OTOGL: variants seen among roughly 807,000 people sequenced by gnomAD.
OTOGL encodes otogelin like.
In OTOGL, 285 loss-of-function variants were observed where a neutral mutation model predicts 318.5. The observed-to-expected ratio is 0.89, with a 90% CI of 0.81 to 0.99. The LOEUF is 0.99. Ranked by LOEUF, OTOGL falls within the 50% of genes least tolerant of loss-of-function variation. OTOGL has a pLI of 0.00. For missense variants in OTOGL, 2,899 were observed against 2,845.6 expected, an observed-to-expected ratio of 1.02 and a Z score of -0.43; for synonymous variants, 987 against 936.5, an observed-to-expected ratio of 1.05 and a Z score of -0.99.
chr12:80,149,921 GT>G (rs1872673047), intron 1 of OTOGL, among the ~76,000 whole-genome samples: 1 of 152,162 alleles, frequency 6.6e-6, no homozygotes, highest in South Asian at 2.1e-4. Flanking sequence ...CTCATGCACG[GT>G]GCGCGCACCC....
intron 9 of OTOGL, among the ~76,000 whole-genome samples, chr12:80,238,485 C>T (rs1047807650): frequency 3.9e-5 from 6 of 151,960 alleles, no homozygotes; most frequent in Admixed American, 1.3e-4. Context: ...TTACACTAAA[C>T]GTTTATATTT....
At chr12:80,242,222 G>A (rs1360998899) in intron 11 of OTOGL, among the ~76,000 whole-genome samples, 1 of 152,164 alleles carries the variant, frequency 6.6e-6, no homozygotes, top group Non-Finnish European at 1.5e-5. Flanking sequence ...CTTTTGAAAT[G>A]TTGATAGTTT....
intron 18 of OTOGL, among the ~76,000 whole-genome samples, chr12:80,260,136 A>G (rs1449256488): frequency 6.6e-6 from 1 of 152,086 alleles, no homozygotes; most frequent in Non-Finnish European, 1.5e-5. Flanking sequence ...ACTGAGGTAG[A>G]ATGTTTAGTG....
intron 26 of OTOGL, among the ~76,000 whole-genome samples, chr12:80,292,318 C>T (rs955486028): frequency 1.1e-4 from 17 of 152,274 alleles, no homozygotes; most frequent in Admixed American, 3.3e-4. Context: ...GAAAACAAAA[C>T]GTAAAGAAGC....
At chr12:80,315,992 C>T (rs1438515650) in intron 32 of OTOGL, among the ~76,000 whole-genome samples, 1 of 147,794 alleles carries the variant, frequency 6.8e-6, no homozygotes, top group Non-Finnish European at 1.5e-5. Flanking sequence ...TAACTGCTTT[C>T]TCTAGATCAT....
intron 8 of OTOGL, 56 bp downstream of exon 8, chr12:80,229,434 A>G: frequency 1.3e-6 from 2 of 1,530,712 alleles, no homozygotes; most frequent in Non-Finnish European, 1.8e-6. Context: ...TAGAATTTCC[A>G]AACATCACAT....
chr12:80,297,898 A>G (rs1460225681), intron 27 of OTOGL, among the ~76,000 whole-genome samples: 1 of 152,160 alleles, frequency 6.6e-6, no homozygotes, highest in African/African-American at 2.4e-5. Flanking sequence ...TACTTCCTCC[A>G]GGGAGCTCCT....
chr12:80,251,551 A>G, intron 11 of OTOGL, 142 bp from the exon 12 acceptor site: 2 of 588,556 alleles, frequency 3.4e-6, no homozygotes, highest in Non-Finnish European at 5.8e-6. Context: ...AATAAGATAT[A>G]TTATGAGTGA....
At position 80,267,315 on chromosome 12, in the gene OTOGL, C is replaced by T. The variant is rs370972432; in HGVS notation, c.2453C>T (p.Pro818Leu). 17 of 1,527,786 alleles carry T rather than the reference C, an allele frequency of 1.1e-5. No homozygotes were observed. Among genetic ancestry groups the T allele is most frequent in the Non-Finnish European group, 1.3e-5 (15 of 1,116,266 alleles). 94.6% of individuals were successfully genotyped at this position (1,527,786 alleles called of 1,614,324 possible). Residue 818 changes from proline to leucine, a missense_variant, in exon 22 of 59, where the codon CCC becomes CTC. Pro to Leu is a moderately conservative substitution (Grantham distance 98). Transcript: ENST00000547103. ...CAACCTGGAGAGCTCATCCCCACAC[C>T]CTCGGGCTTATGGTAGGTTTCAATG... ...VYQPGELIPT[P>L]SGLCQCSNGT...
At chr12:80,172,115 A>G (rs1469394126) in intron 1 of OTOGL, among the ~76,000 whole-genome samples, 2 of 152,060 alleles carry the variant, frequency 1.3e-5, no homozygotes, top group Non-Finnish European at 2.9e-5. Flanking sequence ...ATCTTTAAAG[A>G]CTTTCCTTAT....
At position 80,251,816 on chromosome 12, in the gene OTOGL, T is replaced by A. The variant is rs1219578705; in HGVS notation, c.1159+17T>A. Reference sequence around the variant, plus strand: ...CAGCATGCAGTATGTTTTTTTATTTTCCAAGCCCTGTGTACTTTTGCCAAT... The same window carrying A: ...CAGCATGCAGTATGTTTTTTTATTTACCAAGCCCTGTGTACTTTTGCCAAT... On this transcript the variant is annotated intron_variant, in intron 12 of 58. Transcript: ENST00000547103. 5 of 1,549,580 alleles carry A rather than the reference T, an allele frequency of 3.2e-6. No individual in the cohort carries two copies. The highest frequency in any genetic ancestry group is 1.7e-4 in the Middle Eastern group (1 of 5,964).
chr12:80,147,853 T>C (rs1433980810), intron 1 of OTOGL, among the ~76,000 whole-genome samples: 1 of 152,176 alleles, frequency 6.6e-6, no homozygotes, highest in East Asian at 1.9e-4. Flanking sequence ...TTAAAGTCTG[T>C]TTTATCAGAG....
intron 35 of OTOGL, among the ~76,000 whole-genome samples, chr12:80,325,100 T>G (rs1231208971): frequency 6.6e-6 from 1 of 152,174 alleles, no homozygotes; most frequent in Non-Finnish European, 1.5e-5. Flanking sequence ...GAGAATATTT[T>G]TATGAGAATC....
chr12:80,120,056 C>T (rs1870395570), intron 1 of OTOGL, among the ~76,000 whole-genome samples: 1 of 151,710 alleles, frequency 6.6e-6, no homozygotes, highest in South Asian at 2.1e-4. Context: ...GCTCTTTAGA[C>T]TTTTTACCAT....
At chr12:80,156,438 T>C (rs1383622386) in intron 1 of OTOGL, among the ~76,000 whole-genome samples, 1 of 152,212 alleles carries the variant, frequency 6.6e-6, no homozygotes, top group East Asian at 1.9e-4. Flanking sequence ...CTATTAGTTC[T>C]GTCCCTCTAG....
intron 1 of OTOGL, among the ~76,000 whole-genome samples, chr12:80,112,705 C>CTTTTTTTTTTTTTTTTTTTT (rs546093754): frequency 1.6e-5 from 2 of 128,672 alleles, no homozygotes; most frequent in Non-Finnish European, 3.3e-5. Flanking sequence ...CTGAAATTTT[C>CTTTTTTTTTTTTTTTTTTTT]TTTCTTTTTT....
intron 1 of OTOGL, among the ~76,000 whole-genome samples, chr12:80,116,199 C>T (rs1798094688): frequency 6.6e-6 from 1 of 152,256 alleles, no homozygotes; most frequent in African/African-American, 2.4e-5. Flanking sequence ...GAGGGAATCT[C>T]CTGGTCTGTG....
intron 18 of OTOGL, among the ~76,000 whole-genome samples, chr12:80,260,000 A>G (rs926590453): frequency 1.3e-5 from 2 of 151,998 alleles, no homozygotes; most frequent in African/African-American, 4.8e-5. Flanking sequence ...ATGAAAATTT[A>G]TTGTTTATCT....
intron 1 of OTOGL, among the ~76,000 whole-genome samples, chr12:80,175,999 A>G (rs890253173): frequency 6.6e-6 from 1 of 152,224 alleles, no homozygotes; most frequent in Non-Finnish European, 1.5e-5. Flanking sequence ...TCTAATCACT[A>G]ACTACTCTTC....
Sources: allele counts gnomAD v4.1 joint callset (sites outside exome capture counted in the v4.1 genomes callset), GRCh38; gene constraint gnomAD v4.1.1; transcripts MANE v1.5; gene names NCBI Gene and HGNC (gene_info 2026-07-23, HGNC 2026-07-21).